Variants in CUX1 observed in about 807,000 individuals in gnomAD.
CUX1 encodes cut like homeobox 1, also known as protein CASP.
In CUX1, 31 loss-of-function variants were observed where a neutral mutation model predicts 158.8. The observed-to-expected ratio is 0.20, with a 90% confidence interval of 0.15 to 0.26. The LOEUF is 0.26. Among genes scored for constraint, CUX1 ranks in the 10% least tolerant of loss-of-function variants. The pLI is 1.00. For synonymous variants in CUX1, 879 were observed against 862.1 expected (o/e 1.02, Z -0.34); for missense variants, 1,589 against 2,014.6 (o/e 0.79, Z 4.04).
At chr7:102,168,907 T>C (rs1194745807) in intron 9 of CUX1, among the ~76,000 whole-genome samples, 1 of 119,084 alleles carries the variant, frequency 8.4e-6, no homozygotes, top group Non-Finnish European at 1.6e-5. Flanking sequence ...TCTTTTCTTT[T>C]CTTTTATTTT....
At chr7:101,939,123 C>A (rs1807384831) in intron 2 of CUX1, among the ~76,000 whole-genome samples, 1 of 128,338 alleles carries the variant, frequency 7.8e-6, no homozygotes, top group South Asian at 2.6e-4. Flanking sequence ...ATGATGGTTC[C>A]ACTGTCCCCC....
chr7:101,921,177 G>A (rs1304594002), intron 2 of CUX1, among the ~76,000 whole-genome samples: 1 of 152,132 alleles, frequency 6.6e-6, no homozygotes, highest in Admixed American at 6.6e-5. Context: ...GTGCGTCTTG[G>A]GGCAGATACC....
chr7:101,893,646 G>A (rs1385897238), intron 1 of CUX1, among the ~76,000 whole-genome samples: 1 of 152,216 alleles, frequency 6.6e-6, no homozygotes. Context: ...GGGGCAGAGA[G>A]AAAGAAGGAA....
At chr7:102,041,296 C>T (rs1202522699) in intron 3 of CUX1, among the ~76,000 whole-genome samples, 3 of 107,296 alleles carry the variant, frequency 2.8e-5, no homozygotes, top group East Asian at 6.4e-4. Context: ...AATAGAGTCT[C>T]TCTGTGTCAC....
chr7:101,964,303 A>G (rs1488817193), intron 2 of CUX1, among the ~76,000 whole-genome samples: 1 of 152,098 alleles, frequency 6.6e-6, no homozygotes, highest in Admixed American at 6.5e-5. Context: ...CAGTGAGCTG[A>G]GATCATGACA....
intron 20 of CUX1, among the ~76,000 whole-genome samples, chr7:102,223,343 G>A (rs7800536): frequency 0.027 from 4,138 of 152,202 alleles, 200 homozygotes; most frequent in African/African-American, 0.095. Flanking sequence ...TGTCGCCAGC[G>A]TCCCTGTCAT....
At chr7:101,887,841 A>AC (rs201674599) in intron 1 of CUX1, among the ~76,000 whole-genome samples, 3,983 of 103,224 alleles carry the variant, frequency 0.039, 128 homozygotes, top group African/African-American at 0.055. Context: ...GATGACGGTG[A>AC]CATTTTTTTT....
intron 1 of CUX1, among the ~76,000 whole-genome samples, chr7:101,907,940 C>A: frequency 6.6e-6 from 1 of 151,950 alleles, no homozygotes; most frequent in Non-Finnish European, 1.5e-5. Flanking sequence ...GACAACATAG[C>A]AAGACTTCCA....
At chr7:101,832,077 G>C (rs1371296148) in intron 1 of CUX1, among the ~76,000 whole-genome samples, 2 of 152,188 alleles carry the variant, frequency 1.3e-5, no homozygotes, top group African/African-American at 2.4e-5. Context: ...GGATGGTTCA[G>C]TTGTTGGGGT....
intron 1 of CUX1, among the ~76,000 whole-genome samples, chr7:101,861,089 G>T (rs975482505): frequency 6.6e-6 from 1 of 151,926 alleles, no homozygotes; most frequent in African/African-American, 2.4e-5. Context: ...GCCTGCACTA[G>T]TTTTTTTTGT....
intron 3 of CUX1, among the ~76,000 whole-genome samples, chr7:102,065,895 A>G (rs527772772): frequency 2.2e-5 from 1 of 44,858 alleles, no homozygotes; most frequent in Non-Finnish European, 4.3e-5. Flanking sequence ...GGTTCAAGCA[A>G]TTCTCCTGTC....
chr7:101,849,459 C>A (rs1054105047), intron 1 of CUX1, among the ~76,000 whole-genome samples: 4 of 152,062 alleles, frequency 2.6e-5, no homozygotes, highest in African/African-American at 4.8e-5. Flanking sequence ...AGTTAGTTTG[C>A]AAAGGATAAT....
chr7:102,112,678 C>T (rs1678723837), intron 7 of CUX1, among the ~76,000 whole-genome samples: 2 of 151,826 alleles, frequency 1.3e-5, no homozygotes, highest in African/African-American at 2.4e-5. Flanking sequence ...TCAAGCAATC[C>T]TCCCACCTCA....
At chr7:102,223,731 G>A (rs1798062789) in intron 20 of CUX1, among the ~76,000 whole-genome samples, 1 of 152,180 alleles carries the variant, frequency 6.6e-6, no homozygotes, top group South Asian at 2.1e-4. Context: ...CACTTTGGGA[G>A]GCCAAGGTGG....
At chr7:101,888,098 C>T (rs531147262) in intron 1 of CUX1, among the ~76,000 whole-genome samples, 53 of 152,262 alleles carry the variant, frequency 3.5e-4, no homozygotes, top group African/African-American at 1.2e-3. Flanking sequence ...CTTTGTGAGG[C>T]TGAGGTGGGG....
intron 21 of CUX1, among the ~76,000 whole-genome samples, chr7:102,231,619 A>G (rs1799000026): frequency 6.6e-6 from 1 of 152,110 alleles, no homozygotes; most frequent in African/African-American, 2.4e-5. Flanking sequence ...GCAAAGAGCA[A>G]CTAGCTATTC....
chr7:101,907,081 G>A (rs973724073), intron 1 of CUX1, among the ~76,000 whole-genome samples: 9 of 152,340 alleles, frequency 5.9e-5, no homozygotes, highest in African/African-American at 2.2e-4. Context: ...AAGTGATGGG[G>A]AAGGATTAAG....
intron 1 of CUX1, among the ~76,000 whole-genome samples, chr7:101,850,011 G>A (rs939477685): frequency 2.1e-5 from 3 of 142,520 alleles, no homozygotes; most frequent in Non-Finnish European, 3.0e-5. Context: ...TGCAACCTCC[G>A]CTTCTGGGTT....
intron 1 of CUX1, among the ~76,000 whole-genome samples, chr7:101,913,681 G>A (rs536328020): frequency 6.6e-6 from 1 of 152,160 alleles, no homozygotes; most frequent in South Asian, 2.1e-4. Context: ...AAAGACATCG[G>A]TAGATGCCCA....
Sources: gnomAD v4.1 joint callset for allele counts (sites outside exome capture counted in the v4.1 genomes callset) on GRCh38, gnomAD v4.1.1 for gene constraint, MANE v1.5 for transcripts, NCBI Gene and HGNC (gene_info 2026-07-23, HGNC 2026-07-21) for gene names.